Variants in PCDHGB4 observed in about 807,000 individuals in gnomAD.
The protein encoded by PCDHGB4 is protocadherin gamma subfamily B, 4, also known as protocadherin gamma-B4.
PCDHGB4 carries 38 observed loss-of-function variants against 60.5 expected under a neutral mutation model. The ratio of observed to expected loss-of-function variants is 0.63; its 90% CI spans 0.48 to 0.82. The LOEUF is 0.82. Among genes scored for constraint, PCDHGB4 ranks in the 40% least tolerant of loss-of-function variants. The pLI, the probability that PCDHGB4 is intolerant of heterozygous loss-of-function variation, is 0.00. For missense variants in PCDHGB4, 1,109 were observed against 1,209.6 expected (o/e 0.92, Z 1.23); for synonymous variants, 456 against 509.7 (o/e 0.89, Z 1.42).
intron 1 of PCDHGB4, among the ~76,000 whole-genome samples, chr5:141,465,995 A>G (rs551920109): frequency 1.4e-3 from 208 of 151,976 alleles, no homozygotes; most frequent in African/African-American, 4.8e-3. Context: ...GGTGGCAGGC[A>G]CCTGTAGTCC....
At chr5:141,448,316 T>G (rs1042171540) in intron 1 of PCDHGB4, among the ~76,000 whole-genome samples, 2 of 152,174 alleles carry the variant, frequency 1.3e-5, no homozygotes, top group Admixed American at 1.3e-4. Context: ...AGGAATCTTT[T>G]CTTTGAATCT....
chr5:141,470,022 G>A (rs892106953), intron 1 of PCDHGB4, among the ~76,000 whole-genome samples: 2 of 152,188 alleles, frequency 1.3e-5, no homozygotes, highest in African/African-American at 2.4e-5. Context: ...CCAGCTACTC[G>A]GGATGCTGAG....
intron 1 of PCDHGB4, chr5:141,410,048 C>T (rs1471679304): frequency 4.3e-6 from 7 of 1,613,042 alleles, no homozygotes; most frequent in Non-Finnish European, 4.2e-6. Flanking sequence ...TGAGCCCGGA[C>T]TCTTCAGCCT....
At position 141,393,679 on chromosome 5, in the gene PCDHGB4, C is replaced by T. The variant is rs1188443485; in HGVS notation, c.2397+3398C>T. 4.3e-6 allele frequency: 7 copies of T among 1,613,894 alleles called. No individual in the cohort carries two copies. Among genetic ancestry groups the T allele is most frequent in the Non-Finnish European group, 5.9e-6 (7 of 1,179,900 alleles). ...TTCCGGAAAATTAATGAAAAACAAA[C>T]TCCGTTATTCCAGCTTAATGAAAAT... On this transcript the variant is annotated intron_variant, in intron 1 of 3. Transcript: ENST00000519479.
At chr5:141,445,612 CT>C (rs996122021) in intron 1 of PCDHGB4, among the ~76,000 whole-genome samples, 1 of 151,994 alleles carries the variant, frequency 6.6e-6, no homozygotes, top group Non-Finnish European at 1.5e-5. Flanking sequence ...GGAAGGCTTT[CT>C]TTTTTTCGGA....
rs200545713 is a variant in PCDHGB4 at position 141,422,296 on chromosome 5, A to G, written c.2397+32015A>G. 133 of 1,550,704 alleles carry G rather than the reference A, an allele frequency of 8.6e-5. 1 individual carries two copies. The Admixed American group carries it at 2.1e-3, about 25-fold the overall frequency. ...AACTATCACCTCTTCTATTAATTCAATTCTGGAAAACTCTCCTCCAGGTAC... is the reference window on the plus strand; with the variant it reads ...AACTATCACCTCTTCTATTAATTCAGTTCTGGAAAACTCTCCTCCAGGTAC... On this transcript the variant is annotated intron_variant, in intron 1 of 3. Transcript: ENST00000519479.
intron 2 of PCDHGB4, among the ~76,000 whole-genome samples, chr5:141,503,682 G>A (rs1430771639): frequency 1.3e-5 from 2 of 151,974 alleles, no homozygotes; most frequent in South Asian, 4.1e-4. Flanking sequence ...CTTTTGGGAA[G>A]GAGAATTGAG....
At chr5:141,506,597 C>T (rs937487600) in intron 3 of PCDHGB4, among the ~76,000 whole-genome samples, 4 of 152,150 alleles carry the variant, frequency 2.6e-5, no homozygotes, top group Admixed American at 6.5e-5. Context: ...ACAGTATTAA[C>T]GGATCTCATT....
chr5:141,403,135 GCGCCGAGTC>G, intron 1 of PCDHGB4: 4 of 1,614,064 alleles, frequency 2.5e-6, no homozygotes, highest in Non-Finnish European at 3.4e-6. Context: ...AGCTGGCGGA[GCGCCGAGTC>G]CGCATCGTCT....
chr5:141,389,918 C>A lies in PCDHGB4; in HGVS notation c.2034C>A (p.Asp678Glu), dbSNP rs1341057088. 3.1e-6 allele frequency: 5 copies of A among 1,613,966 alleles called. No homozygotes were observed. The highest frequency in any genetic ancestry group is 4.2e-6 in the Non-Finnish European group (5 of 1,179,918). The stretch of plus-strand genomic sequence containing the variant: ...TGCCGGATATCACTGACCGCCCCGA[C>A]CCCTCTGACCTCCAGGCTGAGCTGC... Reference protein sequence around the residue: ...EVLPDITDRPDPSDLQAELQF... With the variant: ...EVLPDITDRPEPSDLQAELQF... The change falls in exon 1 of 4, where the codon GAC (aspartate) becomes GAA (glutamate). Residue 678 changes from aspartate to glutamate, a missense_variant. Transcript: ENST00000519479.
intron 1 of PCDHGB4, chr5:141,419,230 C>G (rs1439568232): frequency 6.2e-7 from 1 of 1,613,910 alleles, no homozygotes; most frequent in Non-Finnish European, 8.5e-7. Context: ...AGTCAGCCTA[C>G]CTGGTCCACG....
At position 141,485,229 on chromosome 5, in the gene PCDHGB4, TC is replaced by T; in HGVS notation, c.2398-9576del. On this transcript the variant is annotated intron_variant, in intron 1 of 3. Transcript: ENST00000519479. The surrounding 1 kb of genome is among the most constrained non-coding windows in gnomAD (Gnocchi z 5.7). ...ATCTGGCGGTGGGCTACCCTTTTGT[TC>T]CTCTTTTACCACCTGGGTTACGTTT... 6.2e-7 allele frequency: 1 copy of T among 1,614,160 alleles called. No homozygotes were observed. The highest frequency in any genetic ancestry group is 8.5e-7 in the Non-Finnish European group (1 of 1,180,022).
chr5:141,401,370 G>A (rs1226150761), intron 1 of PCDHGB4, among the ~76,000 whole-genome samples: 1 of 152,028 alleles, frequency 6.6e-6, no homozygotes, highest in Non-Finnish European at 1.5e-5. Flanking sequence ...AGGAGAGGAA[G>A]AAGAAGAAAA....
intron 1 of PCDHGB4, among the ~76,000 whole-genome samples, chr5:141,401,748 C>G (rs2094189969): frequency 6.6e-6 from 1 of 152,134 alleles, no homozygotes; most frequent in Non-Finnish European, 1.5e-5. Context: ...ATACAAAGCT[C>G]CCATTACATG....
chr5:141,474,685 T>G (rs1562045980), intron 1 of PCDHGB4, among the ~76,000 whole-genome samples: 1 of 152,224 alleles, frequency 6.6e-6, no homozygotes, highest in Non-Finnish European at 1.5e-5. Flanking sequence ...GCCTACCCCT[T>G]CACTTATGTT....
intron 2 of PCDHGB4, among the ~76,000 whole-genome samples, chr5:141,504,788 TC>T (rs1235410120): frequency 6.6e-6 from 1 of 152,070 alleles, no homozygotes; most frequent in Non-Finnish European, 1.5e-5. Context: ...TCTTGGGGCC[TC>T]CTACATCTCC....
At position 141,485,532 on chromosome 5, in the gene PCDHGB4, A is replaced by C. The variant is rs1360942348; in HGVS notation, c.2398-9275A>C. 6.2e-7 allele frequency: 1 copy of C among 1,614,108 alleles called. No individual in the cohort carries two copies. The highest frequency in any genetic ancestry group is 1.7e-5 in the Admixed American group (1 of 60,000). ...GGTCCTTTGGAAATGTACCGAGCAG[A>C]GGTAGAGATCGTAGATGTGAATGAT... On this transcript the variant is annotated intron_variant, in intron 1 of 3. Transcript: ENST00000519479. This position sits in a 1 kb window ranked among gnomAD's most constrained non-coding sequence, Gnocchi z 5.7.
At chr5:141,437,939 T>C (rs1055613655) in intron 1 of PCDHGB4, among the ~76,000 whole-genome samples, 3 of 152,152 alleles carry the variant, frequency 2.0e-5, no homozygotes, top group African/African-American at 7.2e-5. Flanking sequence ...GGTTTCACCA[T>C]ATTGGCCAGA....
intron 1 of PCDHGB4, among the ~76,000 whole-genome samples, chr5:141,445,751 G>T (rs1211416281): frequency 2.0e-5 from 3 of 152,102 alleles, no homozygotes; most frequent in Non-Finnish European, 4.4e-5. Context: ...AAAAATAAAA[G>T]GTGTGACTCA....
Sources: gnomAD v4.1 joint callset for allele counts (sites outside exome capture counted in the v4.1 genomes callset) on GRCh38, gnomAD v4.1.1 for gene constraint, Gnocchi (gnomAD v3.1) non-coding constraint, MANE v1.5 for transcripts, NCBI Gene and HGNC (gene_info 2026-07-23, HGNC 2026-07-21) for gene names.